Variants in TNR observed in about 807,000 individuals in gnomAD.
TNR encodes tenascin R.
TNR carries 45 observed loss-of-function variants against 150.4 expected under a neutral mutation model. The observed-to-expected ratio is 0.30, with a 90% CI of 0.24 to 0.38. The LOEUF (loss-of-function observed/expected upper bound fraction) is 0.38. TNR is among the 10% of genes least tolerant of loss of function. TNR has a pLI of 1.00. For synonymous variants in TNR, 687 were observed against 678.4 expected, an observed-to-expected ratio of 1.01 and a Z score of -0.20; for missense variants, 1,544 against 1,759.1, an observed-to-expected ratio of 0.88 and a Z score of 2.19.
chr1:175,354,368 T>C lies in TNR; in HGVS notation c.3382+23A>G, dbSNP rs373939993. 11 of 1,611,546 alleles carry C rather than the reference T, an allele frequency of 6.8e-6. No homozygotes were observed. The African/African-American group carries it at 1.5e-4, about 22-fold the overall frequency. Reference sequence around the variant, plus strand: ...ACATCAGGAAGTGGAGAAGAAGGCATCAAAGTGGCCATGCTCCCTCACCTG... The same window carrying C: ...ACATCAGGAAGTGGAGAAGAAGGCACCAAAGTGGCCATGCTCCCTCACCTG... On this transcript the variant is annotated intron_variant, in intron 18 of 22. Coordinates refer to ENST00000367674, the MANE Select transcript of TNR (RefSeq NM_003285.3).
At chr1:175,485,709 G>A (rs976253509) in intron 2 of TNR, among the ~76,000 whole-genome samples, 8 of 152,072 alleles carry the variant, frequency 5.3e-5, no homozygotes, top group Non-Finnish European at 1.0e-4. Context: ...AAAAGGAACT[G>A]GCCATGGGAA....
rs1341754095 is a variant in TNR, at chr1:175,650,852, C to G, written c.-165+92374G>C. Among the ~76,000 whole-genome samples the G allele has an allele frequency of 2.0e-4, 12 of 60,514 alleles. 1 individual carries two copies. Among genetic ancestry groups the G allele is most frequent in the Middle Eastern group, 9.4e-3 (1 of 106 alleles). The allele number at this position is 60,514 out of a possible 152,430, so 39.7% of individuals were successfully genotyped here. ...CTACCCCTCCCCCACCTCATTACTA[C>G]CCATCTCCCACCTCATTCCTCCTCC... On this transcript the variant is annotated intron_variant, in intron 1 of 22. Coordinates refer to ENST00000367674, the MANE Select transcript of TNR (RefSeq NM_003285.3).
In TNR at chr1:175,609,961, A is replaced by T. The variant is rs114387429; in HGVS notation, c.-164-81592T>A. ...ATGGGAATGTGATATTGGAATTACA[A>T]ACATGTTGGAGTTTGGGCACATAAA... On this transcript the variant is annotated intron_variant, in intron 1 of 22. Coordinates refer to ENST00000367674, the MANE Select transcript of TNR (RefSeq NM_003285.3). 8.2e-3 allele frequency among the ~76,000 whole-genome samples: 1,250 copies of T among 152,348 alleles called. 5 individuals carry two copies. Among genetic ancestry groups the T allele is most frequent in the East Asian group, 0.031 (162 of 5,188 alleles).
chr1:175,396,582 T>C lies in TNR; in HGVS notation c.1202A>G (p.Asn401Ser). ...GGCAGTGATGGGAAGGCTGAGGATG[T>C]TGCTAATGACAGCGTAGACGCTGAT... is the stretch of plus-strand genomic sequence containing the variant. ...YNISVYAVIS[N>S]ILSLPITAKV... Residue 401 changes from asparagine (N) to serine (S), a missense_variant, in exon 5 of 23, where the codon AAC (asparagine) becomes AGC (serine). Around this residue, in one of 2 missense-constraint regions of TNR, gnomAD observed 1,254 missense variants for 1,329.4 expected, o/e 0.94. Transcript: ENST00000367674. 6.2e-7 allele frequency: 1 copy of C among 1,614,156 alleles called. No individual in the cohort carries two copies. Among genetic ancestry groups the C allele is most frequent in the Non-Finnish European group, 8.5e-7 (1 of 1,180,010 alleles).
intron 1 of TNR, among the ~76,000 whole-genome samples, chr1:175,614,394 T>C (rs1254540809): frequency 6.6e-6 from 1 of 152,164 alleles, no homozygotes; most frequent in African/African-American, 2.4e-5. Flanking sequence ...GTCCTCTCTG[T>C]TATTGAACCA....
intron 1 of TNR, among the ~76,000 whole-genome samples, chr1:175,702,220 C>A (rs1666717467): frequency 6.6e-6 from 1 of 152,214 alleles, no homozygotes; most frequent in Non-Finnish European, 1.5e-5. Flanking sequence ...AATTTAGGAG[C>A]CTGCACTTGG....
chr1:175,514,358 C>A (rs564319298), intron 2 of TNR, among the ~76,000 whole-genome samples: 1 of 152,216 alleles, frequency 6.6e-6, no homozygotes, highest in African/African-American at 2.4e-5. Context: ...ATGTTCTCCC[C>A]GAGAGCCTCC....
intron 1 of TNR, among the ~76,000 whole-genome samples, chr1:175,540,174 G>T (rs1660447161): frequency 6.6e-6 from 1 of 152,122 alleles, no homozygotes; most frequent in Admixed American, 6.5e-5. Context: ...TCATCAACAA[G>T]TCCTTCCTCT....
chr1:175,393,519 C>T (rs1482180211), intron 6 of TNR, among the ~76,000 whole-genome samples: 1 of 152,222 alleles, frequency 6.6e-6, no homozygotes, highest in Admixed American at 6.5e-5. Flanking sequence ...CAGCAGAGAG[C>T]TGGAGCTGGT....
Position 175,503,238 on chromosome 1 carries a change from A to G in TNR, c.-64+25031T>C, listed in dbSNP as rs200103532. ...GGCCTCTGAAAGGCTGCATTCCAAC[A>G]GCAATGGGCCCTGAGGATGGATCCC... On this transcript the variant is annotated intron_variant, in intron 2 of 22. Transcript: ENST00000367674. Among the ~76,000 whole-genome samples the G allele has an allele frequency of 3.1e-4, 47 of 152,334 alleles. No homozygotes were observed. In the East Asian group the frequency reaches 4.1e-3, roughly 13 times the overall value.
At chr1:175,665,669 G>T (rs775020614) in intron 1 of TNR, among the ~76,000 whole-genome samples, 2 of 152,188 alleles carry the variant, frequency 1.3e-5, no homozygotes, top group African/African-American at 2.4e-5. Context: ...TCTTTTACTT[G>T]CTTATCTATT....
Position 175,388,708 on chromosome 1 carries a change from A to G in TNR, c.1508-2407T>C, listed in dbSNP as rs546259779. Among the ~76,000 whole-genome samples, 4 of 152,342 alleles carry G rather than the reference A, an allele frequency of 2.6e-5. No homozygotes were observed. In the East Asian group the frequency reaches 7.7e-4, roughly 29 times the overall value. On this transcript the variant is annotated intron_variant, in intron 7 of 22. Transcript: ENST00000367674. The stretch of plus-strand genomic sequence containing the variant: ...TAAACAAACACAATCCCTGCTCAAA[A>G]AGTAAACTGGAATAAATGTCTTTCC...
chr1:175,316,291 A>G lies in TNR; in HGVS notation c.*7066T>C, dbSNP rs139711105. On this transcript the variant is annotated 3_prime_UTR_variant, in exon 23 of 23. Coordinates refer to ENST00000367674, the MANE Select transcript of TNR (RefSeq NM_003285.3). ...GATGTGGGGCAGGTAAGGAGTGGGGAAAAGAAACCAGGGGGATAAGTAAAC... is the reference window on the plus strand; with the variant it reads ...GATGTGGGGCAGGTAAGGAGTGGGGGAAAGAAACCAGGGGGATAAGTAAAC... 7.2e-3 allele frequency: 1,099 copies of G among 152,310 alleles called. 7 individuals carry two copies. The highest frequency in any genetic ancestry group is 0.011 in the Non-Finnish European group (718 of 68,028). 9.4% of individuals were successfully genotyped at this position (152,310 alleles called of 1,614,324 possible).
At chr1:175,670,298 AG>A (rs1480729553) in intron 1 of TNR, among the ~76,000 whole-genome samples, 1 of 152,200 alleles carries the variant, frequency 6.6e-6, no homozygotes, top group African/African-American at 2.4e-5. Context: ...CTGGTCATCC[AG>A]GGTGTGAGAG....
intron 2 of TNR, 108 bp downstream of exon 2, chr1:175,528,161 G>A (rs2102176555): frequency 6.6e-6 from 1 of 152,362 alleles, no homozygotes; most frequent in South Asian, 2.1e-4. Flanking sequence ...CCCCCAGGGT[G>A]TTGTTCCAGT....
At chr1:175,396,433 A>G (rs1557906362) in intron 5 of TNR, 111 bp downstream of exon 5, 1 of 1,373,656 alleles carries the variant, frequency 7.3e-7, no homozygotes, top group Non-Finnish European at 9.9e-7. Context: ...CAAGGGCAAT[A>G]ACTATTCCAG....
chr1:175,398,435 C>T (rs1653541361), intron 4 of TNR, among the ~76,000 whole-genome samples: 2 of 152,112 alleles, frequency 1.3e-5, no homozygotes, highest in African/African-American at 4.8e-5. Flanking sequence ...ACTGTATCAC[C>T]TATAGTTTTG....
chr1:175,331,033 C>CTTTCTTTCT (rs1557867332), intron 20 of TNR, among the ~76,000 whole-genome samples: 7 of 70,972 alleles, frequency 9.9e-5, no homozygotes, highest in African/African-American at 3.2e-4. Flanking sequence ...TTCTTTCTTT[C>CTTTCTTTCT]TTTCTTTCTT....
rs1664629422 is a variant in TNR at position 175,640,773 on chromosome 1, A to G, written c.-165+102453T>C. On this transcript the variant is annotated intron_variant, in intron 1 of 22. Coordinates refer to ENST00000367674, the MANE Select transcript of TNR (RefSeq NM_003285.3). Reference sequence around the variant, plus strand: ...AATAACCTGTTACAACTAAATATATATATGTGTGTGTGTGTGGGTATATAT... The same window carrying G: ...AATAACCTGTTACAACTAAATATATGTATGTGTGTGTGTGTGGGTATATAT... Among the ~76,000 whole-genome samples the G allele has an allele frequency of 2.0e-5, 3 of 149,354 alleles. No individual in the cohort carries two copies. The South Asian group carries it at 6.3e-4, about 32-fold the overall frequency.
Sources: gnomAD v4.1 joint callset for allele counts (sites outside exome capture counted in the v4.1 genomes callset) on GRCh38, gnomAD v4.1.1 for gene constraint, gnomAD v4.1.1 regional missense constraint, MANE v1.5 for transcripts, NCBI Gene and HGNC (gene_info 2026-07-23, HGNC 2026-07-21) for gene names.